Variants in RANBP9 observed in about 807,000 individuals in gnomAD.
The protein encoded by RANBP9 is ran-binding protein 9.
In RANBP9, 15 loss-of-function variants were observed where a neutral mutation model predicts 84.3. The ratio of observed to expected loss-of-function variants is 0.18; its 90% CI spans 0.12 to 0.27. The LOEUF (loss-of-function observed/expected upper bound fraction) is 0.27. Ranked by LOEUF, RANBP9 falls within the 10% of genes least tolerant of loss-of-function variation. RANBP9 has a pLI of 1.00. For synonymous variants in RANBP9, 392 were observed against 349.6 expected (o/e 1.12, Z -1.35); for missense variants, 809 against 912.8 (o/e 0.89, Z 1.46).
intron 2 of RANBP9, among the ~76,000 whole-genome samples, chr6:13,676,171 T>C (rs1765881459): frequency 6.6e-6 from 1 of 152,120 alleles, no homozygotes. Context: ...TGCATAATGT[T>C]TGTCCTCAGA....
intron 8 of RANBP9, 106 bp from the exon 9 acceptor site, chr6:13,639,859 G>C (rs1765023541): frequency 1.0e-6 from 1 of 977,986 alleles, no homozygotes; most frequent in South Asian, 1.8e-5. Flanking sequence ...TTATCAGTAG[G>C]ATTGGTCTTT....
At position 13,711,161 on chromosome 6, in the gene RANBP9, A is replaced by G. The variant is rs1320528083; in HGVS notation, c.345T>C (p.Ala115=). The G allele has an allele frequency of 1.4e-6, 2 of 1,459,628 alleles. No individual in the cohort carries two copies. The highest frequency in any genetic ancestry group is 1.8e-6 in the Non-Finnish European group (2 of 1,107,884). 90.4% of individuals were successfully genotyped at this position (1,459,628 alleles called of 1,614,324 possible). ...PPGLAAGPGP[A]GGAPTPALVA... Reference sequence around the variant, plus strand: ...CCAGAGCTGGGGTCGGGGCTCCTCCAGCCGGGCCGGGGCCCGCTGCAAGGC... The same window carrying G: ...CCAGAGCTGGGGTCGGGGCTCCTCCGGCCGGGCCGGGGCCCGCTGCAAGGC... Residue 115 remains alanine (A), a synonymous_variant, in exon 1 of 14, where the codon GCT becomes GCC. Coordinates refer to ENST00000011619, the MANE Select transcript of RANBP9 (RefSeq NM_005493.3).
chr6:13,636,147 C>A (rs1764932252), intron 10 of RANBP9, among the ~76,000 whole-genome samples: 1 of 152,124 alleles, frequency 6.6e-6, no homozygotes, highest in African/African-American at 2.4e-5. Context: ...GGAAGAAGAG[C>A]ATTTCAGATG....
Position 13,677,929 on chromosome 6 carries a change from G to T in RANBP9, c.683+18856C>A, listed in dbSNP as rs139783269. Among the ~76,000 whole-genome samples, 507 of 152,040 alleles carry T rather than the reference G, an allele frequency of 3.3e-3. 2 individuals are homozygous for T. The highest frequency in any genetic ancestry group is 0.012 in the African/African-American group (493 of 41,482). On this transcript the variant is annotated intron_variant, in intron 2 of 13. Coordinates refer to ENST00000011619, the MANE Select transcript of RANBP9 (RefSeq NM_005493.3). ...ACCCAACAGTTTGAAACTGGTCTGG[G>T]CAACAAGGCAAAACCCCGTCTCTAC...
rs200367133 is a variant in RANBP9, at chr6:13,699,127, AT to A, written c.572-2232del. ...CTGTCATGGGCCTACAGAAAAAAAA[AT>A]AAAATGTTTACACATTATATACCCA... On this transcript the variant is annotated intron_variant, in intron 1 of 13. Coordinates refer to ENST00000011619, the MANE Select transcript of RANBP9 (RefSeq NM_005493.3). Among the ~76,000 whole-genome samples the A allele has an allele frequency of 7.5e-3, 1,140 of 152,278 alleles. 10 individuals are homozygous for A. The highest frequency in any genetic ancestry group is 0.026 in the African/African-American group (1,064 of 41,540).
chr6:13,684,508 A>G (rs1766121799), intron 2 of RANBP9, among the ~76,000 whole-genome samples: 2 of 152,356 alleles, frequency 1.3e-5, no homozygotes, highest in Non-Finnish European at 1.5e-5. Flanking sequence ...CCCATTTTGC[A>G]TCAATCATAC....
At chr6:13,661,909 A>G (rs1271769821) in intron 2 of RANBP9, among the ~76,000 whole-genome samples, 1 of 152,204 alleles carries the variant, frequency 6.6e-6, no homozygotes. Context: ...GACGAAAAAC[A>G]ATGGCACAAT....
Position 13,652,875 on chromosome 6 carries a change from CAAGATAATCAGCCTTGCT to C in RANBP9, c.905-212_905-195del, listed in dbSNP as rs1453511530. Among the ~76,000 whole-genome samples, 4 of 152,236 alleles carry C rather than the reference CAAGATAATCAGCCTTGCT, an allele frequency of 2.6e-5. No homozygotes were observed. In the South Asian group the frequency reaches 8.3e-4, roughly 32 times the overall value. On this transcript the variant is annotated intron_variant, in intron 4 of 13. Coordinates refer to ENST00000011619, the MANE Select transcript of RANBP9 (RefSeq NM_005493.3). ...TGAGTGAACAAACGCTGTCCCCTTT[CAAGATAATCAGCCTTGCT>C]AGTCATACACAAATTTTATTTCTGA...
intron 2 of RANBP9, among the ~76,000 whole-genome samples, chr6:13,685,800 C>T (rs989940816): frequency 2.0e-5 from 3 of 151,322 alleles, no homozygotes; most frequent in East Asian, 2.0e-4. Flanking sequence ...TGGTGGTGTG[C>T]GCCTGTAGTC....
chr6:13,624,334 C>A (rs1014546687), intron 13 of RANBP9, among the ~76,000 whole-genome samples: 2 of 152,150 alleles, frequency 1.3e-5, no homozygotes, highest in African/African-American at 2.4e-5. Context: ...GTCTCCCTAT[C>A]TAAACTACTC....
Position 13,696,853 on chromosome 6 carries a change from C to G in RANBP9, c.615G>C (p.Thr205=). 6.2e-7 allele frequency: 1 copy of G among 1,613,062 alleles called. No homozygotes were observed. Among genetic ancestry groups the G allele is most frequent in the Non-Finnish European group, 8.5e-7 (1 of 1,179,416 alleles). ...TCCCACAGGCTGCTGGTATTGGATG[C>G]GTGGCTCGAACTGACGCGGCATCTT... ...TPKDAASVRA[T]HPIPAACGIY... Residue 205 remains threonine (T), a synonymous_variant, in exon 2 of 14, where the codon ACG becomes ACC. Coordinates refer to ENST00000011619, the MANE Select transcript of RANBP9 (RefSeq NM_005493.3).
Position 13,710,915 on chromosome 6 carries a change from G to A in RANBP9, c.571+20C>T, listed in dbSNP as rs1215924621. ...GTCGGGTCAGTGCCCCACTCCCACC[G>A]CAGGACACACGCCCAGTACCTTTGT... On this transcript the variant is annotated intron_variant, in intron 1 of 13. Transcript: ENST00000011619. 6.3e-7 allele frequency: 1 copy of A among 1,584,828 alleles called. No individual in the cohort carries two copies. The highest frequency in any genetic ancestry group is 1.1e-5 in the South Asian group (1 of 87,702).
rs536197139 is a variant in RANBP9 at position 13,708,422 on chromosome 6, T to TCACA, written c.571+2509_571+2512dup. ...TCAAGGCAACAAAGTTGAAATCCTA[T>TCACA]CACACACACATACACAAAAACACCA... On this transcript the variant is annotated intron_variant, in intron 1 of 13. Coordinates refer to ENST00000011619, the MANE Select transcript of RANBP9 (RefSeq NM_005493.3). Among the ~76,000 whole-genome samples the TCACA allele has an allele frequency of 3.8e-3, 583 of 151,536 alleles. 2 individuals carry two copies. The highest frequency in any genetic ancestry group is 0.013 in the African/African-American group (547 of 40,912).
chr6:13,630,536 CTT>C (rs1764749301), intron 12 of RANBP9, among the ~76,000 whole-genome samples: 2 of 148,918 alleles, frequency 1.3e-5, no homozygotes, highest in South Asian at 2.1e-4. Context: ...AAAAAAAATT[CTT>C]TATTTCCAAA....
chr6:13,665,265 T>C (rs1169147164), intron 2 of RANBP9, among the ~76,000 whole-genome samples: 1 of 152,070 alleles, frequency 6.6e-6, no homozygotes, highest in Admixed American at 6.6e-5. Context: ...TAAATAAAAC[T>C]TTAGCAAAAT....
chr6:13,623,094 C>T (rs1449067564), intron 13 of RANBP9, among the ~76,000 whole-genome samples: 1 of 152,096 alleles, frequency 6.6e-6, no homozygotes, highest in Non-Finnish European at 1.5e-5. Flanking sequence ...TAAAAAAATG[C>T]CAATAAATTT....
At chr6:13,665,112 GA>G (rs1358652871) in intron 2 of RANBP9, among the ~76,000 whole-genome samples, 4 of 152,014 alleles carry the variant, frequency 2.6e-5, no homozygotes, top group African/African-American at 4.8e-5. Flanking sequence ...AAAATCAAAT[GA>G]AGATGAATCA....
rs1757840294 is a variant in RANBP9 at position 13,696,773 on chromosome 6, A to G, written c.683+12T>C. 6.3e-7 allele frequency: 1 copy of G among 1,583,298 alleles called. No homozygotes were observed. Among genetic ancestry groups the G allele is most frequent in the Non-Finnish European group, 8.6e-7 (1 of 1,159,374 alleles). On this transcript the variant is annotated intron_variant, in intron 2 of 13. Transcript: ENST00000011619. The stretch of plus-strand genomic sequence containing the variant: ...AACTAGCAAACGATTTTTCTCACCA[A>G]AATTTACTTACCCATCTCTTCCCTT...
chr6:13,698,557 T>C (rs1341225295), intron 1 of RANBP9, among the ~76,000 whole-genome samples: 1 of 152,212 alleles, frequency 6.6e-6, no homozygotes, highest in African/African-American at 2.4e-5. Flanking sequence ...AAAATCTAAC[T>C]GCAGTTCTAA....
Sources: gnomAD v4.1 joint callset for allele counts (sites outside exome capture counted in the v4.1 genomes callset) on GRCh38, gnomAD v4.1.1 for gene constraint, MANE v1.5 for transcripts, NCBI Gene and HGNC (gene_info 2026-07-23, HGNC 2026-07-21) for gene names.